CNTNAP2: variants seen among roughly 807,000 people sequenced by gnomAD.
CNTNAP2 encodes the protein contactin associated protein 2.
A neutral mutation model predicts 155.2 loss-of-function variants in CNTNAP2; 98 were observed. The observed-to-expected ratio is 0.63, with a 90% CI of 0.54 to 0.75. CNTNAP2 has a LOEUF of 0.75. Ranked by LOEUF, CNTNAP2 falls within the 30% of genes least tolerant of loss-of-function variation. CNTNAP2 has a pLI of 0.00. For missense variants in CNTNAP2, 1,727 were observed against 1,688.1 expected, an observed-to-expected ratio of 1.02 and a Z score of -0.40; for synonymous variants, 651 against 631.2, an observed-to-expected ratio of 1.03 and a Z score of -0.47.
chr7:146,507,626 G>C (rs76783942), intron 1 of CNTNAP2, among the ~76,000 whole-genome samples: 9,793 of 152,158 alleles, frequency 0.064, 783 homozygotes, highest in African/African-American at 0.19. Context: ...CTGGTATGGC[G>C]TTCGTCTTAC....
At chr7:146,808,254 A>C (rs927818630) in intron 2 of CNTNAP2, among the ~76,000 whole-genome samples, 3 of 152,234 alleles carry the variant, frequency 2.0e-5, no homozygotes, top group African/African-American at 7.2e-5. Flanking sequence ...ATAGCATTAT[A>C]TGTTTCAAAT....
intron 13 of CNTNAP2, among the ~76,000 whole-genome samples, chr7:147,803,134 C>T (rs1027639125): frequency 3.3e-5 from 5 of 152,044 alleles, no homozygotes; most frequent in Non-Finnish European, 7.4e-5. Context: ...AGGGACCAAA[C>T]CAGTTTAAAA....
At chr7:147,931,347 G>A (rs1800500957) in intron 14 of CNTNAP2, among the ~76,000 whole-genome samples, 1 of 151,828 alleles carries the variant, frequency 6.6e-6, no homozygotes, top group Non-Finnish European at 1.5e-5. Flanking sequence ...TGGCTTCAAT[G>A]CTGAATTCCA....
At chr7:147,419,748 C>T (rs1056582966) in intron 10 of CNTNAP2, among the ~76,000 whole-genome samples, 1 of 152,150 alleles carries the variant, frequency 6.6e-6, no homozygotes. Flanking sequence ...AACATTACTG[C>T]ATCAAATTTG....
chr7:146,424,310 A>C (rs945211417), intron 1 of CNTNAP2, among the ~76,000 whole-genome samples: 1 of 152,214 alleles, frequency 6.6e-6, no homozygotes, highest in Non-Finnish European at 1.5e-5. Context: ...ATGATTGATT[A>C]CAGCAAAAGG....
chr7:148,040,798 C>A (rs907667612), intron 15 of CNTNAP2, among the ~76,000 whole-genome samples: 2 of 151,754 alleles, frequency 1.3e-5, no homozygotes, highest in Non-Finnish European at 2.9e-5. Flanking sequence ...ATATGAAGCA[C>A]AGAAATGGGA....
chr7:146,542,765 C>T (rs188750666), intron 1 of CNTNAP2, among the ~76,000 whole-genome samples: 1 of 152,006 alleles, frequency 6.6e-6, no homozygotes, highest in East Asian at 1.9e-4. Context: ...GATAAATAAG[C>T]TGTTGAATTA....
At chr7:146,220,801 T>C (rs1296675248) in intron 1 of CNTNAP2, among the ~76,000 whole-genome samples, 1 of 152,218 alleles carries the variant, frequency 6.6e-6, no homozygotes, top group African/African-American at 2.4e-5. Context: ...TTTGGAATTA[T>C]TGGAAACCTA....
intron 8 of CNTNAP2, among the ~76,000 whole-genome samples, chr7:147,259,108 G>A (rs561405769): frequency 6.6e-6 from 1 of 152,198 alleles, no homozygotes; most frequent in Non-Finnish European, 1.5e-5. Context: ...GTTGTAGCAT[G>A]TTGTGGTCAG....
chr7:147,403,355 C>T (rs1213199693), intron 10 of CNTNAP2, among the ~76,000 whole-genome samples: 1 of 152,170 alleles, frequency 6.6e-6, no homozygotes, highest in Non-Finnish European at 1.5e-5. Flanking sequence ...CCCCAACCAC[C>T]TTGGCCACAT....
intron 8 of CNTNAP2, among the ~76,000 whole-genome samples, chr7:147,291,360 C>T (rs1019428809): frequency 2.0e-5 from 3 of 152,028 alleles, no homozygotes; most frequent in African/African-American, 7.3e-5. Context: ...GTGATGTTCC[C>T]CTCCCTGTAT....
intron 5 of CNTNAP2, among the ~76,000 whole-genome samples, chr7:147,119,365 T>A (rs992431335): frequency 6.6e-6 from 1 of 152,194 alleles, no homozygotes; most frequent in African/African-American, 2.4e-5. Context: ...GGAGTTTTAC[T>A]GACTGACTGG....
At chr7:147,297,012 G>A (rs1166977393) in intron 8 of CNTNAP2, among the ~76,000 whole-genome samples, 1 of 152,110 alleles carries the variant, frequency 6.6e-6, no homozygotes, top group Non-Finnish European at 1.5e-5. Context: ...ACAGAGAAAG[G>A]TCAATTACAA....
chr7:147,867,111 G>T (rs914164898), intron 13 of CNTNAP2, among the ~76,000 whole-genome samples: 2 of 152,126 alleles, frequency 1.3e-5, no homozygotes, highest in African/African-American at 4.8e-5. Flanking sequence ...CATGTTTAGT[G>T]CTTCCTTCAG....
At chr7:147,729,749 G>T (rs1796708675) in intron 13 of CNTNAP2, among the ~76,000 whole-genome samples, 1 of 152,018 alleles carries the variant, frequency 6.6e-6, no homozygotes, top group African/African-American at 2.4e-5. Flanking sequence ...TGTACTTCAG[G>T]CAGTAGAAAA....
intron 8 of CNTNAP2, among the ~76,000 whole-genome samples, chr7:147,294,313 TCTCA>T (rs1314584518): frequency 6.6e-6 from 1 of 152,256 alleles, no homozygotes; most frequent in African/African-American, 2.4e-5. Context: ...ATTTTTTCAT[TCTCA>T]CTTTTTAGAA....
intron 3 of CNTNAP2, among the ~76,000 whole-genome samples, chr7:146,955,454 A>G (rs1474415163): frequency 2.6e-5 from 4 of 151,986 alleles, no homozygotes; most frequent in Non-Finnish European, 5.9e-5. Context: ...AGACACTAGA[A>G]ACAAAAATCT....
chr7:148,153,539 A>G (rs1218694579), intron 17 of CNTNAP2, among the ~76,000 whole-genome samples: 1 of 152,138 alleles, frequency 6.6e-6, no homozygotes, highest in Non-Finnish European at 1.5e-5. Context: ...CTTAAGCCAC[A>G]TGTTGATCTG....
At chr7:147,089,583 A>G (rs1240530903) in intron 4 of CNTNAP2, among the ~76,000 whole-genome samples, 1 of 152,194 alleles carries the variant, frequency 6.6e-6, no homozygotes, top group African/African-American at 2.4e-5. Context: ...TTAGTCATGA[A>G]ATACAAAAAT....
Sources: gnomAD v4.1 joint callset for allele counts (sites outside exome capture counted in the v4.1 genomes callset) on GRCh38, gnomAD v4.1.1 for gene constraint, MANE v1.5 for transcripts, NCBI Gene and HGNC (gene_info 2026-07-23, HGNC 2026-07-21) for gene names.